Variants in MRS2 observed in about 807,000 individuals in gnomAD.
MRS2 encodes the protein magnesium transporter MRS2.
Under a neutral mutation model 52.6 loss-of-function variants are expected in MRS2, and 40 were observed. That is an observed-to-expected ratio of 0.76 (90% CI 0.59 to 0.99). MRS2 has a LOEUF of 0.99. Ranked by LOEUF, MRS2 falls within the 50% of genes least tolerant of loss-of-function variation. The probability of loss-of-function intolerance (pLI) is 0.00; values close to 1 mark genes in which losing one functional copy is unlikely to be tolerated. For missense variants in MRS2, 472 were observed against 532.7 expected, an observed-to-expected ratio of 0.89 and a Z score of 1.12; for synonymous variants, 193 against 195.9, an observed-to-expected ratio of 0.98 and a Z score of 0.13.
At chr6:24,418,038 A>C (rs781720865) in intron 7 of MRS2, 46 bp from the exon 8 acceptor site, 1 of 1,551,214 alleles carries the variant, frequency 6.4e-7, no homozygotes, top group Non-Finnish European at 8.8e-7. Context: ...TAAGTATATG[A>C]TACACATGTT....
chr6:24,414,964 G>A, intron 5 of MRS2, 69 bp from the exon 6 acceptor site: 6 of 1,352,146 alleles, frequency 4.4e-6, no homozygotes, highest in Non-Finnish European at 5.1e-6. Context: ...TTTAATCAGA[G>A]GATTCACTGA....
At chr6:24,410,796 A>G (rs1289103570) in intron 4 of MRS2, 1 of 1,495,508 alleles carries the variant, frequency 6.7e-7, no homozygotes, top group Non-Finnish European at 9.0e-7. Context: ...GGAGAGACAG[A>G]CAGGTATGTG....
At chr6:24,415,511 A>G (rs1418729063) in intron 6 of MRS2, among the ~76,000 whole-genome samples, 1 of 152,236 alleles carries the variant, frequency 6.6e-6, no homozygotes, top group Non-Finnish European at 1.5e-5. Context: ...TTTCTTTAAA[A>G]TCATAATGCA....
In MRS2 at chr6:24,412,408, T is replaced by G. The variant is rs1282826768; in HGVS notation, c.588+13T>G. 8.6e-6 allele frequency: 13 copies of G among 1,514,938 alleles called. No homozygotes were observed. The South Asian group carries it at 1.3e-4, about 15-fold the overall frequency. 93.8% of individuals were successfully genotyped at this position (1,514,938 alleles called of 1,614,324 possible). Reference sequence around the variant, plus strand: ...CCTGCAATATTGGGTAAGTCTGTTTTTATTTAGCTTCTTGGGTTTATTCTG... The same window carrying G: ...CCTGCAATATTGGGTAAGTCTGTTTGTATTTAGCTTCTTGGGTTTATTCTG... On this transcript the variant is annotated intron_variant, in intron 5 of 10. Coordinates refer to ENST00000378386, the MANE Select transcript of MRS2 (RefSeq NM_020662.4).
chr6:24,415,203 A>G (rs761685609), intron 6 of MRS2, 40 bp downstream of exon 6: 4 of 1,485,536 alleles, frequency 2.7e-6, no homozygotes, highest in Admixed American at 3.9e-5. Context: ...GTTGGAGACA[A>G]ATATCTTAAA....
chr6:24,418,001 T>A, intron 7 of MRS2, 83 bp from the exon 8 acceptor site: 1 of 1,111,892 alleles, frequency 9.0e-7, no homozygotes, highest in Non-Finnish European at 1.3e-6. Flanking sequence ...CTGAATGCTA[T>A]ATACTAATTT....
In MRS2 at chr6:24,405,218, A is replaced by G. The variant is rs778027357; in HGVS notation, c.241A>G (p.Ser81Gly). The G allele has an allele frequency of 1.2e-6, 2 of 1,613,816 alleles. No individual in the cohort carries two copies. The highest frequency in any genetic ancestry group is 2.2e-5 in the East Asian group (1 of 44,884). Residue 81 changes from serine to glycine, a missense_variant, in exon 2 of 11, where the codon AGT becomes GGT. Transcript: ENST00000378386. ...TGACGTCTCTCAAGCCACTTTAGCC[A>G]GTGTAGCCCCAGTATTTACTGTGGT... ...TSDVSQATLA[S>G]VAPVFTVTKF...
chr6:24,422,898 T>C, intron 9 of MRS2, 39 bp from the exon 10 acceptor site: 1 of 1,387,682 alleles, frequency 7.2e-7, no homozygotes, highest in Non-Finnish European at 1.0e-6. Flanking sequence ...CTAAGGAACC[T>C]GGCGTTTTGC....
intron 7 of MRS2, among the ~76,000 whole-genome samples, chr6:24,417,229 C>T (rs187745251): frequency 9.4e-4 from 143 of 152,322 alleles, no homozygotes; most frequent in African/African-American, 3.3e-3. Flanking sequence ...TTAGGCCAAT[C>T]TGTCAATCTG....
chr6:24,402,956 G>A lies in MRS2; in HGVS notation c.-91G>A, dbSNP rs979514321. The A allele has an allele frequency of 7.3e-6, 9 of 1,239,462 alleles. No individual in the cohort carries two copies. The Admixed American group carries it at 1.8e-4, about 24-fold the overall frequency. 76.8% of individuals were successfully genotyped at this position (1,239,462 alleles called of 1,614,324 possible). Reference sequence around the variant, plus strand: ...GGTGCACAGAGTCTGCAGGTCGGGCGGTAGCGACAGGTCAGAGCTGCGGCC... The same window carrying A: ...GGTGCACAGAGTCTGCAGGTCGGGCAGTAGCGACAGGTCAGAGCTGCGGCC... On this transcript the variant is annotated 5_prime_UTR_variant, in exon 1 of 11. Transcript: ENST00000378386.
chr6:24,421,947 G>A (rs1040022057), intron 9 of MRS2, among the ~76,000 whole-genome samples: 6 of 152,084 alleles, frequency 3.9e-5, no homozygotes, highest in African/African-American at 9.7e-5. Flanking sequence ...CCAGGAGTTC[G>A]AGACCAGCCT....
chr6:24,419,781 A>G (rs558163488), intron 9 of MRS2, among the ~76,000 whole-genome samples: 1 of 152,330 alleles, frequency 6.6e-6, no homozygotes, highest in South Asian at 2.1e-4. Flanking sequence ...ACAGATACCA[A>G]AGTCTGTGGG....
Position 24,412,527 on chromosome 6 carries a change from A to G in MRS2, c.588+132A>G, listed in dbSNP as rs1020147002. ...TCCTGCCCCGAAACAAGTCGTCTCTAAGGATCCTACATGGAGATATCACTT... is the reference window on the plus strand; with the variant it reads ...TCCTGCCCCGAAACAAGTCGTCTCTGAGGATCCTACATGGAGATATCACTT... On this transcript the variant is annotated intron_variant, in intron 5 of 10. Coordinates refer to ENST00000378386, the MANE Select transcript of MRS2 (RefSeq NM_020662.4). 3.7e-5 allele frequency: 22 copies of G among 591,100 alleles called. No individual in the cohort carries two copies. In the African/African-American group the frequency reaches 3.7e-4, roughly 10 times the overall value. 36.6% of individuals were successfully genotyped at this position (591,100 alleles called of 1,614,324 possible).
chr6:24,409,603 T>G (rs768449661), intron 4 of MRS2, 30 bp downstream of exon 4: 1 of 1,332,392 alleles, frequency 7.5e-7, no homozygotes, highest in South Asian at 1.3e-5. Context: ...TCTATGTTTC[T>G]CCAATACAAT....
At chr6:24,410,650 A>T (rs1761618180) in intron 4 of MRS2, 2 of 1,136,726 alleles carry the variant, frequency 1.8e-6, no homozygotes, top group Non-Finnish European at 2.5e-6. Flanking sequence ...GCAAGATCCC[A>T]TCTCTAAAAA....
rs931886624 is a variant in MRS2, at chr6:24,424,895, C to T, written c.*1201C>T. Reference sequence around the variant, plus strand: ...TGGTGATAGGAATAAAAATGTTACTCCCGTCGCTGATTTGGAAGAAAACCG... The same window carrying T: ...TGGTGATAGGAATAAAAATGTTACTTCCGTCGCTGATTTGGAAGAAAACCG... On this transcript the variant is annotated 3_prime_UTR_variant, in exon 11 of 11. Transcript: ENST00000378386. 1 of 152,160 alleles carries T rather than the reference C, an allele frequency of 6.6e-6. No homozygotes were observed. Among genetic ancestry groups the T allele is most frequent in the Non-Finnish European group, 1.5e-5 (1 of 68,036 alleles). The allele number at this position is 152,160 out of a possible 1,614,324, so 9.4% of individuals were successfully genotyped here. A position where few individuals can be genotyped will look rare whatever the true frequency, so the allele number is the denominator to read the frequency against.
rs1225404331 is a variant in MRS2, at chr6:24,425,953, C to T, written c.*2259C>T. The T allele has an allele frequency of 6.6e-6, 1 of 152,114 alleles. No individual in the cohort carries two copies. Among genetic ancestry groups the T allele is most frequent in the East Asian group, 1.9e-4 (1 of 5,200 alleles). The allele number at this position is 152,114 out of a possible 1,614,324, so 9.4% of individuals were successfully genotyped here. ...TTAACTCTCATGACTTTAGTAATAC[C>T]TACAGAGGTGAGCTAATGGATGGTA... On this transcript the variant is annotated 3_prime_UTR_variant, in exon 11 of 11. Coordinates refer to ENST00000378386, the MANE Select transcript of MRS2 (RefSeq NM_020662.4).
intron 4 of MRS2, among the ~76,000 whole-genome samples, chr6:24,410,378 C>T (rs1377261300): frequency 6.6e-6 from 1 of 152,112 alleles, no homozygotes; most frequent in East Asian, 1.9e-4. Flanking sequence ...TTTAGTGATT[C>T]AGAGTTAATG....
At chr6:24,415,308 T>C (rs1761810819) in intron 6 of MRS2, 145 bp downstream of exon 6, 2 of 729,374 alleles carry the variant, frequency 2.7e-6, no homozygotes, top group Non-Finnish European at 4.1e-6. Context: ...ATCTACTGTT[T>C]GTTGAAAAGA....
Sources: allele counts gnomAD v4.1 joint callset (sites outside exome capture counted in the v4.1 genomes callset), GRCh38; gene constraint gnomAD v4.1.1; transcripts MANE v1.5; gene names NCBI Gene and HGNC (gene_info 2026-07-23, HGNC 2026-07-21).